The following FOXP1 variants were observed in gnomAD, a reference collection of about 807,000 sequenced individuals.
FOXP1 encodes the protein forkhead box P1, also known as forkhead box protein P1.
A neutral mutation model predicts 98.2 loss-of-function variants in FOXP1; 15 were observed. That is an observed-to-expected ratio of 0.15 (90% CI 0.10 to 0.24). The LOEUF is 0.24. Among genes scored for constraint, FOXP1 ranks in the 10% least tolerant of loss-of-function variants. The probability of loss-of-function intolerance (pLI) is 1.00; values close to 1 mark genes in which losing one functional copy is unlikely to be tolerated. For missense variants in FOXP1, 633 were observed against 848.5 expected (o/e 0.75, Z 3.15); for synonymous variants, 371 against 314.5 (o/e 1.18, Z -1.90).
chr3:71,318,103 A>G (rs574055720), intron 4 of FOXP1, among the ~76,000 whole-genome samples: 2 of 152,182 alleles, frequency 1.3e-5, no homozygotes, highest in East Asian at 1.9e-4. Flanking sequence ...AGTCATTTTT[A>G]AAAAATGTAG....
intron 7 of FOXP1, among the ~76,000 whole-genome samples, chr3:71,066,518 A>G (rs1478017648): frequency 6.6e-6 from 1 of 152,184 alleles, no homozygotes; most frequent in Non-Finnish European, 1.5e-5. Context: ...AAGTCCCCCG[A>G]CTATCAGTAG....
chr3:71,133,869 T>A (rs991946404), intron 6 of FOXP1, among the ~76,000 whole-genome samples: 14 of 152,258 alleles, frequency 9.2e-5, no homozygotes, highest in African/African-American at 3.4e-4. Flanking sequence ...AAAAAACACT[T>A]TATATGTCAG....
intron 2 of FOXP1, among the ~76,000 whole-genome samples, chr3:71,564,268 G>A (rs919909839): frequency 2.0e-5 from 3 of 152,158 alleles, no homozygotes; most frequent in African/African-American, 4.8e-5. Context: ...GTTCTCATCC[G>A]TTATCTGCCT....
intron 11 of FOXP1, among the ~76,000 whole-genome samples, chr3:71,023,391 C>T (rs1337886519): frequency 6.6e-6 from 1 of 152,324 alleles, no homozygotes; most frequent in East Asian, 1.9e-4. Context: ...CAAAACATTA[C>T]ATTAAATCAG....
At chr3:71,541,939 C>T in intron 2 of FOXP1, 1 of 526,438 alleles carries the variant, frequency 1.9e-6, no homozygotes, top group Admixed American at 2.0e-5. Flanking sequence ...CAAACTACTC[C>T]TTTGCCACAT....
At chr3:71,019,846 A>AAAAAAC (rs1553696173) in intron 11 of FOXP1, among the ~76,000 whole-genome samples, 7 of 151,730 alleles carry the variant, frequency 4.6e-5, no homozygotes, top group African/African-American at 1.7e-4. Context: ...CCCCCCCAAA[A>AAAAAAC]AAAACAAAAC....
At chr3:71,038,464 T>C (rs1038744814) in intron 11 of FOXP1, among the ~76,000 whole-genome samples, 1 of 152,140 alleles carries the variant, frequency 6.6e-6, no homozygotes, top group African/African-American at 2.4e-5. Context: ...AGAAAACTTA[T>C]CCAAGGCAGT....
At chr3:71,422,545 G>T (rs1302892265) in intron 3 of FOXP1, among the ~76,000 whole-genome samples, 10 of 152,232 alleles carry the variant, frequency 6.6e-5, no homozygotes, top group Non-Finnish European at 1.5e-4. Flanking sequence ...GTGAGGTCAG[G>T]AGAGCCCACA....
At chr3:71,031,337 G>C (rs1039704971) in intron 11 of FOXP1, among the ~76,000 whole-genome samples, 1 of 152,184 alleles carries the variant, frequency 6.6e-6, no homozygotes. Flanking sequence ...CTGTCTATTT[G>C]TTTAGGGAAG....
At chr3:71,328,664 G>A (rs897662243) in intron 4 of FOXP1, among the ~76,000 whole-genome samples, 1 of 152,024 alleles carries the variant, frequency 6.6e-6, no homozygotes, top group Non-Finnish European at 1.5e-5. Flanking sequence ...GGGTAGCTAC[G>A]GTATTGGCTA....
intron 2 of FOXP1, among the ~76,000 whole-genome samples, chr3:71,531,972 C>G (rs992106749): frequency 2.6e-5 from 4 of 152,236 alleles, no homozygotes; most frequent in Admixed American, 6.5e-5. Context: ...TCCACATGCT[C>G]AATTCTACAA....
intron 6 of FOXP1, among the ~76,000 whole-genome samples, chr3:71,128,895 T>TA (rs374808186): frequency 8.5e-4 from 124 of 145,738 alleles, no homozygotes; most frequent in Middle Eastern, 3.5e-3. Context: ...TCACTTGCCT[T>TA]AAAAAAAAAA....
chr3:71,512,800 G>GGGAGGAAA (rs2042294850), intron 2 of FOXP1, among the ~76,000 whole-genome samples: 1 of 152,170 alleles, frequency 6.6e-6, no homozygotes, highest in South Asian at 2.1e-4. Flanking sequence ...ACAGTAATGA[G>GGGAGGAAA]GGAGGAAAGA....
chr3:71,575,413 C>G (rs75184147), intron 2 of FOXP1, among the ~76,000 whole-genome samples: 1,617 of 152,242 alleles, frequency 0.011, 23 homozygotes, highest in African/African-American at 0.035. Context: ...AGCAAAAATT[C>G]TGACTCAAGG....
rs189070721 is a variant in FOXP1 at position 70,972,015 on chromosome 3, C to T, written c.1652+540G>A. The T allele has an allele frequency of 3.1e-4, 443 of 1,429,930 alleles. 1 individual carries two copies. In the East Asian group the frequency reaches 4.9e-3, roughly 16 times the overall value. The allele number at this position is 1,429,930 out of a possible 1,614,324, so 88.6% of individuals were successfully genotyped here. ...AAAGCAAGTAAAGGCTCTTACTGTGCGACAAGCTCGTCAAAGTTTTCATCG... is the reference window on the plus strand; with the variant it reads ...AAAGCAAGTAAAGGCTCTTACTGTGTGACAAGCTCGTCAAAGTTTTCATCG... On this transcript the variant is annotated intron_variant, in intron 18 of 20. Transcript: ENST00000649528.
chr3:71,004,084 T>G (rs1216646314), intron 12 of FOXP1, among the ~76,000 whole-genome samples: 1 of 76,256 alleles, frequency 1.3e-5, no homozygotes, highest in Non-Finnish European at 2.4e-5. Flanking sequence ...AGTGGAACCC[T>G]ACATCCCCCC....
At chr3:71,470,685 C>G (rs925191419) in intron 3 of FOXP1, among the ~76,000 whole-genome samples, 1 of 152,126 alleles carries the variant, frequency 6.6e-6, no homozygotes, top group East Asian at 1.9e-4. Flanking sequence ...TTGCAATGAG[C>G]AGATATCACA....
intron 5 of FOXP1, among the ~76,000 whole-genome samples, chr3:71,222,727 G>A (rs753357267): frequency 6.6e-6 from 1 of 152,100 alleles, no homozygotes; most frequent in Non-Finnish European, 1.5e-5. Flanking sequence ...CAACCCATTC[G>A]CTGTTGGTGT....
At chr3:70,982,253 T>C (rs1360832239) in intron 14 of FOXP1, among the ~76,000 whole-genome samples, 1 of 152,204 alleles carries the variant, frequency 6.6e-6, no homozygotes, top group Non-Finnish European at 1.5e-5. Flanking sequence ...GAAATATTCA[T>C]CTTAATTGTA....
Sources: gnomAD v4.1 joint callset for allele counts (sites outside exome capture counted in the v4.1 genomes callset) on GRCh38, gnomAD v4.1.1 for gene constraint, MANE v1.5 for transcripts, NCBI Gene and HGNC (gene_info 2026-07-23, HGNC 2026-07-21) for gene names.